The following RIT2 variants were observed in gnomAD, a reference collection of about 807,000 sequenced individuals.
RIT2 encodes Ras like without CAAX 2.
A neutral mutation model predicts 23.7 loss-of-function variants in RIT2; 24 were observed. The observed-to-expected ratio is 1.01, with a 90% confidence interval of 0.73 to 1.43. RIT2 has a LOEUF of 1.43. Among genes scored for constraint, RIT2 ranks in the 40% most tolerant of loss-of-function variants. The pLI is 0.00. For synonymous variants in RIT2, 107 were observed against 91.1 expected, an observed-to-expected ratio of 1.17 and a Z score of -0.99; for missense variants, 236 against 266.9, an observed-to-expected ratio of 0.88 and a Z score of 0.81.
At chr18:42,759,377 G>GA (rs1913242737) in intron 4 of RIT2, among the ~76,000 whole-genome samples, 1 of 151,830 alleles carries the variant, frequency 6.6e-6, no homozygotes, top group Admixed American at 6.6e-5. Context: ...TATATGAACT[G>GA]AAAAAATGAA....
intron 4 of RIT2, among the ~76,000 whole-genome samples, chr18:42,862,672 T>C (rs1194919450): frequency 6.6e-6 from 1 of 152,252 alleles, no homozygotes; most frequent in East Asian, 1.9e-4. Flanking sequence ...TCTCCCTTTA[T>C]ACATTTATTA....
At chr18:42,886,219 C>T (rs569443148) in intron 4 of RIT2, among the ~76,000 whole-genome samples, 2 of 152,118 alleles carry the variant, frequency 1.3e-5, no homozygotes, top group Non-Finnish European at 2.9e-5. Flanking sequence ...TTTAAATTTG[C>T]TTCCTATCAA....
chr18:42,968,312 G>C (rs1258941221), intron 3 of RIT2, among the ~76,000 whole-genome samples: 1 of 152,122 alleles, frequency 6.6e-6, no homozygotes, highest in Non-Finnish European at 1.5e-5. Flanking sequence ...GAAATTCAAT[G>C]CTACCATAAG....
At chr18:42,896,440 T>G (rs970342702) in intron 4 of RIT2, among the ~76,000 whole-genome samples, 1 of 152,206 alleles carries the variant, frequency 6.6e-6, no homozygotes, top group Non-Finnish European at 1.5e-5. Flanking sequence ...AACTGATTTT[T>G]TAGAGAGAGG....
chr18:42,750,391 G>T (rs1032408787), intron 4 of RIT2, among the ~76,000 whole-genome samples: 1 of 151,746 alleles, frequency 6.6e-6, no homozygotes, highest in African/African-American at 2.4e-5. Context: ...TCATGTTGTT[G>T]TAATTCATGA....
intron 3 of RIT2, among the ~76,000 whole-genome samples, chr18:42,929,862 G>A (rs1909283116): frequency 6.6e-6 from 1 of 152,178 alleles, no homozygotes; most frequent in East Asian, 1.9e-4. Context: ...ATGGACAGGT[G>A]CCCCAGAGAG....
chr18:42,809,725 A>C (rs1352362627), intron 4 of RIT2, among the ~76,000 whole-genome samples: 1 of 150,864 alleles, frequency 6.6e-6, no homozygotes, highest in Non-Finnish European at 1.5e-5. Context: ...GATAGCTAGA[A>C]GACAATAATT....
chr18:42,804,339 A>G (rs1051977926), intron 4 of RIT2, among the ~76,000 whole-genome samples: 3 of 152,060 alleles, frequency 2.0e-5, no homozygotes, highest in African/African-American at 7.2e-5. Context: ...GGATCACTTG[A>G]GGTTAGGAGT....
At chr18:42,973,709 GAGC>G (rs1910413685) in intron 3 of RIT2, among the ~76,000 whole-genome samples, 1 of 151,706 alleles carries the variant, frequency 6.6e-6, no homozygotes, top group South Asian at 2.1e-4. Context: ...TTAGTTCCAT[GAGC>G]AGATTTGCTA....
intron 1 of RIT2, among the ~76,000 whole-genome samples, chr18:43,067,398 C>T (rs919490587): frequency 1.3e-5 from 2 of 152,080 alleles, no homozygotes; most frequent in Non-Finnish European, 2.9e-5. Context: ...GCATGACATA[C>T]CCCTTGGGAA....
chr18:43,093,221 A>G (rs1006829429), intron 1 of RIT2, among the ~76,000 whole-genome samples: 11 of 148,580 alleles, frequency 7.4e-5, no homozygotes, highest in Admixed American at 6.6e-5. Context: ...GCCCTAAAGT[A>G]TTGAAGGCTA....
At chr18:42,968,903 G>A (rs371608606) in intron 3 of RIT2, among the ~76,000 whole-genome samples, 4 of 152,242 alleles carry the variant, frequency 2.6e-5, no homozygotes, top group South Asian at 2.1e-4. Flanking sequence ...GGAGGAGGTA[G>A]TAAAAGGAGG....
chr18:42,977,776 G>A (rs1910508023), intron 2 of RIT2, among the ~76,000 whole-genome samples: 1 of 149,728 alleles, frequency 6.7e-6, no homozygotes, highest in South Asian at 2.1e-4. Flanking sequence ...TTATGACTGT[G>A]CTCCAGAAGG....
intron 3 of RIT2, among the ~76,000 whole-genome samples, chr18:42,965,058 G>T (rs972956109): frequency 1.3e-5 from 2 of 152,058 alleles, no homozygotes; most frequent in East Asian, 3.9e-4. Flanking sequence ...GGTACATCTT[G>T]GCTATGTTGC....
At chr18:42,902,455 GT>G (rs1411528341) in intron 4 of RIT2, among the ~76,000 whole-genome samples, 2 of 151,546 alleles carry the variant, frequency 1.3e-5, no homozygotes, top group Admixed American at 6.6e-5. Flanking sequence ...AGGATGTTCT[GT>G]TTCTTGGGTA....
intron 4 of RIT2, among the ~76,000 whole-genome samples, chr18:42,801,877 T>C (rs1905548494): frequency 6.6e-6 from 1 of 152,234 alleles, no homozygotes; most frequent in African/African-American, 2.4e-5. Flanking sequence ...TGCTACCAGA[T>C]GTTTCTGCGG....
At chr18:43,074,886 G>A (rs1912976523) in intron 1 of RIT2, among the ~76,000 whole-genome samples, 1 of 152,140 alleles carries the variant, frequency 6.6e-6, no homozygotes, top group Non-Finnish European at 1.5e-5. Context: ...ACACAGGCTG[G>A]GTCCTGTTTT....
chr18:43,004,952 TGA>T (rs954266071), intron 2 of RIT2, among the ~76,000 whole-genome samples: 43 of 151,850 alleles, frequency 2.8e-4, no homozygotes, highest in African/African-American at 1.0e-3. Context: ...AAGAAAGAGG[TGA>T]GAGAGGGGGA....
intron 1 of RIT2, among the ~76,000 whole-genome samples, chr18:43,062,620 G>A (rs1912674497): frequency 6.6e-6 from 1 of 152,120 alleles, no homozygotes; most frequent in Non-Finnish European, 1.5e-5. Context: ...CGCTAAATTG[G>A]TGAGCTCCAC....
Sources: gnomAD v4.1 joint callset for allele counts (sites outside exome capture counted in the v4.1 genomes callset) on GRCh38, gnomAD v4.1.1 for gene constraint, MANE v1.5 for transcripts, NCBI Gene and HGNC (gene_info 2026-07-23, HGNC 2026-07-21) for gene names.